The following RREB1 variants were observed in gnomAD, a reference collection of about 807,000 sequenced individuals.
RREB1 encodes the protein ras-responsive element-binding protein 1.
Under a neutral mutation model 117.8 loss-of-function variants are expected in RREB1, and 27 were observed. The observed-to-expected ratio is 0.23, with a 90% CI of 0.17 to 0.32. RREB1 has a LOEUF of 0.32. Among genes scored for constraint, RREB1 ranks in the 10% least tolerant of loss-of-function variants. The pLI, the probability that RREB1 is intolerant of heterozygous loss-of-function variation, is 1.00. For synonymous variants in RREB1, 1,298 were observed against 1,026.7 expected (o/e 1.26, Z -5.05); for missense variants, 2,577 against 2,378.2 (o/e 1.08, Z -1.74).
chr6:7,234,220 C>T (rs899582851), intron 10 of RREB1, among the ~76,000 whole-genome samples: 4 of 152,226 alleles, frequency 2.6e-5, no homozygotes, highest in Admixed American at 6.5e-5. Context: ...CCCCTTATAG[C>T]AATGTCTTTT....
chr6:7,206,220 A>C (rs1476002896), intron 6 of RREB1, among the ~76,000 whole-genome samples: 1 of 152,256 alleles, frequency 6.6e-6, no homozygotes, highest in African/African-American at 2.4e-5. Context: ...AAACATATGA[A>C]TTCCAATACG....
At chr6:7,139,218 G>C (rs1294739046) in intron 1 of RREB1, 1 of 152,260 alleles carries the variant, frequency 6.6e-6, no homozygotes. Context: ...AAGGTGGGAG[G>C]GGGGATGGGG....
chr6:7,130,729 G>C (rs971934439), intron 1 of RREB1, among the ~76,000 whole-genome samples: 2 of 150,370 alleles, frequency 1.3e-5, no homozygotes, highest in Non-Finnish European at 2.9e-5. Flanking sequence ...CAATTCTTCT[G>C]CCTTAGTCTC....
intron 4 of RREB1, chr6:7,183,448 AAGAC>A (rs1193723680): frequency 6.6e-6 from 1 of 152,288 alleles, no homozygotes; most frequent in Non-Finnish European, 1.5e-5. Context: ...CGGGAAGAAT[AAGAC>A]AGACAAGGTT....
chr6:7,141,280 T>G (rs1334717946), intron 1 of RREB1, among the ~76,000 whole-genome samples: 1 of 152,046 alleles, frequency 6.6e-6, no homozygotes, highest in South Asian at 2.1e-4. Context: ...CGTTCCCCCG[T>G]GAGTAGAGCC....
At chr6:7,234,484 G>A (rs907227655) in intron 10 of RREB1, among the ~76,000 whole-genome samples, 7 of 152,206 alleles carry the variant, frequency 4.6e-5, no homozygotes, top group Non-Finnish European at 1.0e-4. Context: ...TGTGAATCCA[G>A]TCATGATTGC....
Position 7,187,490 on chromosome 6 carries a change from T to C in RREB1, c.228T>C (p.Thr76=). 1 of 1,580,426 alleles carries C rather than the reference T, an allele frequency of 6.3e-7. No homozygotes were observed. The highest frequency in any genetic ancestry group is 1.2e-5 in the South Asian group (1 of 85,248). The change falls in exon 5 of 13, where the codon ACT becomes ACC. Residue 76 remains threonine (T), a synonymous_variant. Coordinates refer to ENST00000379938, the MANE Select transcript of RREB1 (RefSeq NM_001003699.4). The part of the protein sequence containing the change: ...YNCPLCEKIC[T]TQHQLTMHIR... ...GCCCCCTGTGTGAGAAGATTTGCACTACCCAGCACCAGCTGACCATGCACA... is the reference window on the plus strand; with the variant it reads ...GCCCCCTGTGTGAGAAGATTTGCACCACCCAGCACCAGCTGACCATGCACA...
chr6:7,127,623 C>T lies in RREB1; in HGVS notation c.-285+19563C>T, dbSNP rs950721628. Among the ~76,000 whole-genome samples the T allele has an allele frequency of 6.6e-5, 10 of 152,236 alleles. No homozygotes were observed. The East Asian group carries it at 9.7e-4, about 15-fold the overall frequency. On this transcript the variant is annotated intron_variant, in intron 1 of 12. Coordinates refer to ENST00000379938, the MANE Select transcript of RREB1 (RefSeq NM_001003699.4). ...AGCTGAACTGGGACAATGTATTCCTCGTAACCACGAGTTTGGTGTGTCAGT... is the reference window on the plus strand; with the variant it reads ...AGCTGAACTGGGACAATGTATTCCTTGTAACCACGAGTTTGGTGTGTCAGT...
At chr6:7,196,219 T>G (rs1184649406) in intron 6 of RREB1, among the ~76,000 whole-genome samples, 10 of 26,822 alleles carry the variant, frequency 3.7e-4, no homozygotes, top group Admixed American at 4.9e-4. Context: ...TTTTTTTTCG[T>G]TTTTTTTTTT....
chr6:7,117,395 T>TG (rs1761454675), intron 1 of RREB1, among the ~76,000 whole-genome samples: 3 of 26,632 alleles, frequency 1.1e-4, no homozygotes, highest in East Asian at 3.1e-4. Context: ...CCTGTTTTTT[T>TG]TTTTTTTTTT....
At chr6:7,207,674 C>T (rs1766353275) in intron 6 of RREB1, among the ~76,000 whole-genome samples, 1 of 152,176 alleles carries the variant, frequency 6.6e-6, no homozygotes, top group Admixed American at 6.5e-5. Flanking sequence ...TGAAGGATAC[C>T]TGTACGCTGG....
At chr6:7,129,542 G>A (rs975441109) in intron 1 of RREB1, among the ~76,000 whole-genome samples, 3 of 152,236 alleles carry the variant, frequency 2.0e-5, no homozygotes, top group South Asian at 2.1e-4. Flanking sequence ...ATGGCAGCTC[G>A]TACAGGATGA....
intron 1 of RREB1, among the ~76,000 whole-genome samples, chr6:7,143,303 T>C (rs1581443334): frequency 6.6e-6 from 1 of 152,210 alleles, no homozygotes; most frequent in Non-Finnish European, 1.5e-5. Context: ...TCAGGGATGC[T>C]GAGTAGCTGG....
At chr6:7,176,972 T>C (rs868612007) in intron 2 of RREB1, among the ~76,000 whole-genome samples, 199 bp downstream of exon 2, 1 of 151,918 alleles carries the variant, frequency 6.6e-6, no homozygotes, top group Non-Finnish European at 1.5e-5. Context: ...ATTCCAGCAC[T>C]TTAGGAGGCT....
chr6:7,204,846 A>C (rs1766181114), intron 6 of RREB1, among the ~76,000 whole-genome samples: 1 of 152,240 alleles, frequency 6.6e-6, no homozygotes, highest in South Asian at 2.1e-4. Flanking sequence ...GAGCTTGAAG[A>C]ATGTCTGAGA....
rs117760719 is a variant in RREB1 at position 7,237,568 on chromosome 6, C to A, written c.3809-2870C>A. Among the ~76,000 whole-genome samples, 1,313 of 152,278 alleles carry A rather than the reference C, an allele frequency of 8.6e-3. 29 individuals carry two copies. The highest frequency in any genetic ancestry group is 0.035 in the Admixed American group (534 of 15,288). On this transcript the variant is annotated intron_variant, in intron 10 of 12. Coordinates refer to ENST00000379938, the MANE Select transcript of RREB1 (RefSeq NM_001003699.4). ...CGCTCGCGTTGGGGCTTGCAGAATG[C>A]TGTAGGTCCTGAGTGCGCAGGTAAC...
chr6:7,222,197 C>T (rs936566349), intron 8 of RREB1, among the ~76,000 whole-genome samples: 2 of 152,198 alleles, frequency 1.3e-5, no homozygotes, highest in Non-Finnish European at 2.9e-5. Context: ...ATTTTCCAAA[C>T]TTATCTAACT....
intron 6 of RREB1, among the ~76,000 whole-genome samples, chr6:7,192,417 TG>T (rs1765460690): frequency 6.6e-6 from 1 of 152,124 alleles, no homozygotes; most frequent in Non-Finnish European, 1.5e-5. Flanking sequence ...GGTCTTGAAC[TG>T]CCGACCTCAA....
intron 6 of RREB1, among the ~76,000 whole-genome samples, chr6:7,192,318 A>AG (rs1765454283): frequency 6.6e-6 from 1 of 151,328 alleles, no homozygotes. Context: ...TCAGCCTCCC[A>AG]GGTAGCTGGG....
Sources: gnomAD v4.1 joint callset for allele counts (sites outside exome capture counted in the v4.1 genomes callset) on GRCh38, gnomAD v4.1.1 for gene constraint, MANE v1.5 for transcripts, NCBI Gene and HGNC (gene_info 2026-07-23, HGNC 2026-07-21) for gene names.